Variants in SH3GLB1 observed in about 807,000 individuals in gnomAD.
SH3GLB1 encodes SH3 domain containing GRB2 like, endophilin B1.
SH3GLB1 carries 17 observed loss-of-function variants against 42.0 expected under a neutral mutation model. That is an observed-to-expected ratio of 0.40 (90% CI 0.28 to 0.61). SH3GLB1 has a LOEUF of 0.61. Among genes scored for constraint, SH3GLB1 ranks in the 20% least tolerant of loss-of-function variants. SH3GLB1 has a pLI of 0.36. For synonymous variants in SH3GLB1, 132 were observed against 146.6 expected (o/e 0.90, Z 0.72); for missense variants, 355 against 426.3 (o/e 0.83, Z 1.47).
chr1:86,739,417 G>A (rs958071940), intron 7 of SH3GLB1, among the ~76,000 whole-genome samples: 1 of 152,210 alleles, frequency 6.6e-6, no homozygotes, highest in East Asian at 1.9e-4. Context: ...AATGGTCACT[G>A]CCTAGGTCAA....
Position 86,742,256 on chromosome 1 carries a change from T to G in SH3GLB1, c.810T>G (p.Pro270=). 6.2e-7 allele frequency: 1 copy of G among 1,614,154 alleles called. No homozygotes were observed. The highest frequency in any genetic ancestry group is 8.5e-7 in the Non-Finnish European group (1 of 1,180,002). The change falls in exon 8 of 9, where the codon CCT becomes CCG. Residue 270 remains proline (P), a synonymous_variant. Coordinates refer to ENST00000370558, the MANE Select transcript of SH3GLB1 (RefSeq NM_016009.5). The stretch of plus-strand genomic sequence containing the variant: ...ACAACAATCAGACTTCTGTGACACC[T>G]GTACCATCAGTTTTACCAAATGCGA... The part of the protein sequence containing the change: ...LSNNNQTSVT[P]VPSVLPNAIG...
Position 86,704,961 on chromosome 1 carries a change from G to A in SH3GLB1, c.62G>A (p.Arg21His). 6.3e-7 allele frequency: 1 copy of A among 1,579,978 alleles called. No individual in the cohort carries two copies. Residue 21 changes from arginine (R) to histidine (H), a missense_variant, in exon 1 of 9, where the codon CGC becomes CAC. By Grantham distance (29) the Arg-to-His change is conservative. Coordinates refer to ENST00000370558, the MANE Select transcript of SH3GLB1 (RefSeq NM_016009.5). ...LAADAGTFLS[R>H]AVQFTEEKLG... ...GCCGACGCAGGCACCTTCCTCAGTC[G>A]CGCCGTGCAGGTACCCTGGTGCTGG...
chr1:86,724,886 A>ACT lies in SH3GLB1; in HGVS notation c.570+481_570+482insCT, dbSNP rs1409906302. ...CAGACCCTGTCTTTAAAAAAAAAAA[A>ACT]AAAAAAATATATATATATATATATA... On this transcript the variant is annotated intron_variant, in intron 5 of 8. Transcript: ENST00000370558. 2.2e-4 allele frequency among the ~76,000 whole-genome samples: 23 copies of ACT among 102,408 alleles called. 1 individual carries two copies. Among genetic ancestry groups the ACT allele is most frequent in the Non-Finnish European group, 3.3e-4 (17 of 51,946 alleles). The allele number at this position is 102,408 out of a possible 152,430, so 67.2% of individuals were successfully genotyped here.
intron 2 of SH3GLB1, among the ~76,000 whole-genome samples, chr1:86,718,929 A>G (rs2101934744): frequency 6.6e-6 from 1 of 152,362 alleles, no homozygotes; most frequent in East Asian, 1.9e-4. Flanking sequence ...TTTAAACATA[A>G]ACTAAAGCCA....
chr1:86,734,865 T>G (rs1431231359), intron 6 of SH3GLB1, among the ~76,000 whole-genome samples, 174 bp downstream of exon 6: 1 of 152,052 alleles, frequency 6.6e-6, no homozygotes, highest in Non-Finnish European at 1.5e-5. Context: ...ATCACCGAGT[T>G]CTCCCACCCT....
intron 3 of SH3GLB1, 44 bp from the exon 4 acceptor site, chr1:86,722,496 G>A (rs775044409): frequency 1.3e-6 from 2 of 1,518,382 alleles, no homozygotes; most frequent in East Asian, 4.7e-5. Context: ...TTTATTTTCT[G>A]GTATTACCAG....
At chr1:86,704,992 A>G in intron 1 of SH3GLB1, 21 bp downstream of exon 1, 2 of 1,539,682 alleles carry the variant, frequency 1.3e-6, no homozygotes, top group Non-Finnish European at 8.8e-7. Flanking sequence ...GCTGGGGGGA[A>G]AAGGGGTGGC....
intron 4 of SH3GLB1, 94 bp from the exon 5 acceptor site, chr1:86,724,219 C>A: frequency 1.2e-6 from 1 of 806,866 alleles, no homozygotes; most frequent in Non-Finnish European, 1.9e-6. Flanking sequence ...TCAAGTGATA[C>A]ATATGTTTAC....
At chr1:86,723,737 A>ATG (rs1654998464) in intron 4 of SH3GLB1, among the ~76,000 whole-genome samples, 1 of 152,186 alleles carries the variant, frequency 6.6e-6, no homozygotes, top group African/African-American at 2.4e-5. Context: ...ATTTGGTGCT[A>ATG]TGACACATTA....
intron 5 of SH3GLB1, chr1:86,730,391 G>C (rs1387317241): frequency 3.0e-6 from 3 of 984,598 alleles, no homozygotes; most frequent in Non-Finnish European, 2.4e-6. Flanking sequence ...ATAGAAGGCA[G>C]GCGAAATGCT....
At position 86,704,664 on chromosome 1, in the gene SH3GLB1, G is replaced by A. The variant is rs1570397001; in HGVS notation, c.-236G>A. 8.0e-6 allele frequency: 3 copies of A among 376,614 alleles called. No individual in the cohort carries two copies. Among genetic ancestry groups the A allele is most frequent in the East Asian group, 9.8e-5 (2 of 20,412 alleles). The allele number at this position is 376,614 out of a possible 1,614,324, so 23.3% of individuals were successfully genotyped here. On this transcript the variant is annotated 5_prime_UTR_variant, in exon 1 of 9. Transcript: ENST00000370558. ...GGGCCCATCGTCGACGTTAGCGGCC[G>A]TTCTCCGAGCCGACTGACCCATCCT...
At chr1:86,717,500 A>G (rs1570416305) in intron 2 of SH3GLB1, among the ~76,000 whole-genome samples, 1 of 151,804 alleles carries the variant, frequency 6.6e-6, no homozygotes, top group African/African-American at 2.4e-5. Flanking sequence ...GTTCACTGCA[A>G]CCTCCACCTC....
chr1:86,726,457 A>G (rs1355520753), intron 5 of SH3GLB1, among the ~76,000 whole-genome samples: 1 of 151,972 alleles, frequency 6.6e-6, no homozygotes, highest in African/African-American at 2.4e-5. Context: ...GATCTTGGCA[A>G]TTTTTCTCTG....
At chr1:86,736,825 ATC>A (rs1655803412) in intron 7 of SH3GLB1, among the ~76,000 whole-genome samples, 1 of 152,236 alleles carries the variant, frequency 6.6e-6, no homozygotes, top group African/African-American at 2.4e-5. Context: ...AGGAAGTTTT[ATC>A]TCTTTAATTT....
chr1:86,730,236 T>G (rs763770663), intron 5 of SH3GLB1: 208 of 1,409,128 alleles, frequency 1.5e-4, no homozygotes, highest in Non-Finnish European at 1.8e-4. Context: ...TTATAAAATC[T>G]GAAAATGAGG....
At position 86,735,155 on chromosome 1, in the gene SH3GLB1, T is replaced by C. The variant is rs1244013916; in HGVS notation, c.737T>C (p.Leu246Ser). Reference protein sequence around the residue: ...TYYAQCYQYMLDLQKQLGSFP... With the variant: ...TYYAQCYQYMSDLQKQLGSFP... ...TATGCACAGTGTTACCAGTATATGT[T>C]GGACCTCCAGAAACAACTGGGAAGG... The change falls in exon 7 of 9, where the codon TTG becomes TCG. Residue 246 changes from leucine to serine, a missense_variant. Transcript: ENST00000370558. The C allele has an allele frequency of 2.4e-5, 38 of 1,612,096 alleles. No homozygotes were observed. Among genetic ancestry groups the C allele is most frequent in the Non-Finnish European group, 3.1e-5 (36 of 1,178,470 alleles).
chr1:86,731,120 C>G (rs114882344), intron 5 of SH3GLB1, among the ~76,000 whole-genome samples: 3 of 152,116 alleles, frequency 2.0e-5, no homozygotes, highest in Non-Finnish European at 4.4e-5. Flanking sequence ...GCTGGGAAAG[C>G]AAGTAATTAA....
rs1349915743 is a variant in SH3GLB1 at position 86,724,890 on chromosome 1, A to AT, written c.570+485_570+486insT. Among the ~76,000 whole-genome samples the AT allele has an allele frequency of 6.9e-3, 712 of 102,756 alleles. 5 individuals are homozygous for AT. Among genetic ancestry groups the AT allele is most frequent in the African/African-American group, 0.024 (513 of 20,952 alleles). The allele number at this position is 102,756 out of a possible 152,430, so 67.4% of individuals were successfully genotyped here. A position where few individuals can be genotyped will look rare whatever the true frequency, so the allele number is the denominator to read the frequency against. ...CCCTGTCTTTAAAAAAAAAAAAAAA[A>AT]AAATATATATATATATATATATAAA... On this transcript the variant is annotated intron_variant, in intron 5 of 8. Transcript: ENST00000370558.
chr1:86,724,135 AG>A (rs1655022931), intron 4 of SH3GLB1, among the ~76,000 whole-genome samples, 177 bp from the exon 5 acceptor site: 1 of 119,846 alleles, frequency 8.3e-6, no homozygotes, highest in Non-Finnish European at 1.6e-5. Context: ...AATTTAAAAC[AG>A]TAACAAGGGG....
Sources: allele counts gnomAD v4.1 joint callset (sites outside exome capture counted in the v4.1 genomes callset), GRCh38; gene constraint gnomAD v4.1.1; transcripts MANE v1.5; gene names NCBI Gene and HGNC (gene_info 2026-07-23, HGNC 2026-07-21).